KCNT2: variants seen among roughly 807,000 people sequenced by gnomAD.
KCNT2 encodes the protein potassium sodium-activated channel subfamily T member 2, also known as potassium channel subfamily T member 2.
A neutral mutation model predicts 153.8 loss-of-function variants in KCNT2; 67 were observed. The observed-to-expected ratio is 0.44, with a 90% confidence interval of 0.36 to 0.53. KCNT2 has a LOEUF of 0.53. Ranked by LOEUF, KCNT2 falls within the 20% of genes least tolerant of loss-of-function variation. The pLI is 0.00. For missense variants in KCNT2, 975 were observed against 1,354.8 expected, an observed-to-expected ratio of 0.72 and a Z score of 4.40; for synonymous variants, 500 against 458.8, an observed-to-expected ratio of 1.09 and a Z score of -1.15.
chr1:196,398,760 C>T, intron 12 of KCNT2, 89 bp from the exon 13 acceptor site: 2 of 644,962 alleles, frequency 3.1e-6, no homozygotes, highest in Non-Finnish European at 5.3e-6. Flanking sequence ...TGCTTGGTCA[C>T]ATCCATAGTT....
intron 13 of KCNT2, among the ~76,000 whole-genome samples, chr1:196,396,999 G>A (rs1422836560): frequency 6.6e-6 from 1 of 151,160 alleles, no homozygotes; most frequent in Non-Finnish European, 1.5e-5. Context: ...TTAAGGTCTT[G>A]ATACAATATC....
At chr1:196,348,514 T>A (rs898549157) in intron 14 of KCNT2, among the ~76,000 whole-genome samples, 1 of 152,156 alleles carries the variant, frequency 6.6e-6, no homozygotes, top group African/African-American at 2.4e-5. Context: ...TTCATACTCT[T>A]GTGAGACTGT....
At chr1:196,494,288 T>C (rs1422504166) in intron 1 of KCNT2, among the ~76,000 whole-genome samples, 1 of 152,208 alleles carries the variant, frequency 6.6e-6, no homozygotes, top group Non-Finnish European at 1.5e-5. Flanking sequence ...ATTACACAAA[T>C]AATTCAGCAA....
intron 5 of KCNT2, among the ~76,000 whole-genome samples, chr1:196,471,681 T>C (rs1678119881): frequency 6.6e-6 from 1 of 152,178 alleles, no homozygotes; most frequent in Admixed American, 6.5e-5. Flanking sequence ...CTGTGGCAGA[T>C]TGTATAATTT....
At chr1:196,566,005 T>C (rs962747371) in intron 1 of KCNT2, among the ~76,000 whole-genome samples, 32 of 151,870 alleles carry the variant, frequency 2.1e-4, no homozygotes, top group African/African-American at 4.8e-5. Context: ...TGAGATGAGA[T>C]TATATATGCT....
At chr1:196,356,089 T>C (rs906038145) in intron 14 of KCNT2, among the ~76,000 whole-genome samples, 1 of 151,816 alleles carries the variant, frequency 6.6e-6, no homozygotes, top group Admixed American at 6.6e-5. Flanking sequence ...ATTGCTGTTA[T>C]TTACATTTTA....
At chr1:196,398,142 A>G (rs1208524565) in intron 13 of KCNT2, among the ~76,000 whole-genome samples, 1 of 151,478 alleles carries the variant, frequency 6.6e-6, no homozygotes, top group Non-Finnish European at 1.5e-5. Context: ...ATACATTTCA[A>G]TGTATTAGTC....
chr1:196,281,214 T>A (rs1659062064), intron 24 of KCNT2, among the ~76,000 whole-genome samples: 1 of 152,180 alleles, frequency 6.6e-6, no homozygotes, highest in African/African-American at 2.4e-5. Flanking sequence ...TTTGGAAATC[T>A]CCAAGTAATA....
chr1:196,326,958 C>T, intron 18 of KCNT2, 69 bp from the exon 19 acceptor site: 1 of 837,060 alleles, frequency 1.2e-6, no homozygotes, highest in South Asian at 1.7e-5. Context: ...AAAATTTAAG[C>T]TATAGGAAAA....
chr1:196,244,442 C>T (rs1655241533), intron 26 of KCNT2, among the ~76,000 whole-genome samples: 1 of 152,078 alleles, frequency 6.6e-6, no homozygotes, highest in Non-Finnish European at 1.5e-5. Context: ...CATTTCTGGA[C>T]CTTCCCTGGG....
intron 7 of KCNT2, among the ~76,000 whole-genome samples, chr1:196,466,343 T>G (rs1677613879): frequency 6.6e-6 from 1 of 152,026 alleles, no homozygotes; most frequent in South Asian, 2.1e-4. Context: ...GCAAGTCATT[T>G]CACAGGCCAC....
intron 1 of KCNT2, among the ~76,000 whole-genome samples, chr1:196,566,734 A>C (rs757448513): frequency 6.6e-6 from 1 of 152,158 alleles, no homozygotes; most frequent in Non-Finnish European, 1.5e-5. Flanking sequence ...CAGAAATAAG[A>C]AGGAAATTTT....
At chr1:196,380,001 G>T (rs1669339608) in intron 13 of KCNT2, among the ~76,000 whole-genome samples, 1 of 152,130 alleles carries the variant, frequency 6.6e-6, no homozygotes, top group African/African-American at 2.4e-5. Context: ...TGAAACAAAT[G>T]CCAACAGTAT....
intron 27 of KCNT2, among the ~76,000 whole-genome samples, chr1:196,231,391 C>A (rs1485152891): frequency 1.3e-5 from 2 of 151,764 alleles, no homozygotes; most frequent in African/African-American, 4.8e-5. Flanking sequence ...TCTTTAGTGA[C>A]TGCTTCTTGA....
chr1:196,482,456 G>A (rs1679092691), intron 3 of KCNT2, 77 bp from the exon 4 acceptor site: 3 of 765,246 alleles, frequency 3.9e-6, no homozygotes, highest in Non-Finnish European at 6.1e-6. Flanking sequence ...GTTAAAGTTG[G>A]AAATATTAAA....
intron 1 of KCNT2, among the ~76,000 whole-genome samples, chr1:196,521,511 C>T (rs1393411193): frequency 1.3e-5 from 2 of 152,076 alleles, no homozygotes; most frequent in Non-Finnish European, 2.9e-5. Context: ...ATATTCTTTG[C>T]AGCAATATTC....
At chr1:196,404,455 C>A (rs896492920) in intron 12 of KCNT2, among the ~76,000 whole-genome samples, 1 of 150,880 alleles carries the variant, frequency 6.6e-6, no homozygotes, top group African/African-American at 2.4e-5. Flanking sequence ...CTTTATTAAA[C>A]GTTTCCCAAA....
At chr1:196,261,197 A>G (rs570098589) in intron 25 of KCNT2, among the ~76,000 whole-genome samples, 1 of 151,874 alleles carries the variant, frequency 6.6e-6, no homozygotes, top group Non-Finnish European at 1.5e-5. Context: ...TTATAGTAGG[A>G]CCTTCTCCTG....
intron 1 of KCNT2, among the ~76,000 whole-genome samples, chr1:196,542,689 A>G (rs774157909): frequency 2.6e-5 from 4 of 152,110 alleles, no homozygotes; most frequent in Non-Finnish European, 5.9e-5. Context: ...TCATTTTTCA[A>G]CCAATCAATA....
Sources: gnomAD v4.1 joint callset for allele counts (sites outside exome capture counted in the v4.1 genomes callset) on GRCh38, gnomAD v4.1.1 for gene constraint, MANE v1.5 for transcripts, NCBI Gene and HGNC (gene_info 2026-07-23, HGNC 2026-07-21) for gene names.